Variants in MBP observed in about 807,000 individuals in gnomAD.
MBP encodes the protein myelin basic protein.
MBP carries 16 observed loss-of-function variants against 35.8 expected under a neutral mutation model. That is an observed-to-expected ratio of 0.45 (90% confidence interval 0.30 to 0.68). The LOEUF is 0.68. Among genes scored for constraint, MBP ranks in the 30% least tolerant of loss-of-function variants. MBP has a pLI of 0.08. For missense variants in MBP, 380 were observed against 404.7 expected (o/e 0.94, Z 0.52); for synonymous variants, 143 against 159.6 (o/e 0.90, Z 0.78).
chr18:76,984,541 C>A, intron 8 of MBP: 1 of 548,766 alleles, frequency 1.8e-6, no homozygotes, highest in South Asian at 2.0e-5. Flanking sequence ...CTGAACCAGC[C>A]CAGGCGCAGC....
intron 3 of MBP, among the ~76,000 whole-genome samples, chr18:77,024,577 G>A (rs1972122462): frequency 6.6e-6 from 1 of 152,218 alleles, no homozygotes; most frequent in Admixed American, 6.5e-5. Context: ...TGGCCAAGCG[G>A]GACCGCCTTC....
intron 3 of MBP, among the ~76,000 whole-genome samples, chr18:77,065,489 A>G (rs1974158738): frequency 6.6e-6 from 1 of 152,262 alleles, no homozygotes; most frequent in Non-Finnish European, 1.5e-5. Flanking sequence ...TAGGGGACAC[A>G]TTCAATCCAC....
At chr18:77,124,570 G>T (rs1976988743) in intron 1 of MBP, among the ~76,000 whole-genome samples, 1 of 152,302 alleles carries the variant, frequency 6.6e-6, no homozygotes, top group South Asian at 2.1e-4. Context: ...GCACTGGCCT[G>T]GGTGCCTGTC....
intron 3 of MBP, among the ~76,000 whole-genome samples, chr18:77,035,428 T>A (rs962210964): frequency 5.6e-4 from 85 of 152,248 alleles, no homozygotes; most frequent in African/African-American, 2.0e-3. Flanking sequence ...CTATCCTGTT[T>A]TTCTCTTTCT....
chr18:77,131,892 G>T lies in MBP; in HGVS notation c.-26+688C>A, dbSNP rs887184239. 9.2e-5 allele frequency among the ~76,000 whole-genome samples: 14 copies of T among 152,064 alleles called. No homozygotes were observed. Among genetic ancestry groups the T allele is most frequent in the African/African-American group, 3.4e-4 (14 of 41,424 alleles). On this transcript the variant is annotated intron_variant, in intron 1 of 8. Transcript: ENST00000355994. The surrounding 1 kb of genome is among the most constrained non-coding windows in gnomAD (Gnocchi z 5.5). ...GTGGGCCCAGGTGGGCGCAGCGACG[G>T]GCCCGGCCGAAGAGCCCGAGACAGG... is the stretch of plus-strand genomic sequence containing the variant.
At chr18:77,069,115 T>C in intron 2 of MBP, 1 of 455,794 alleles carries the variant, frequency 2.2e-6, no homozygotes. Flanking sequence ...CGGTGAATAC[T>C]GTGAGAACAA....
At chr18:77,118,976 C>T (rs747274760) in intron 1 of MBP, among the ~76,000 whole-genome samples, 4 of 152,190 alleles carry the variant, frequency 2.6e-5, no homozygotes, top group African/African-American at 7.2e-5. Context: ...TGTCCCAGGG[C>T]GCTGGAAGGA....
At chr18:77,119,337 G>A (rs900032696) in intron 1 of MBP, among the ~76,000 whole-genome samples, 1 of 152,142 alleles carries the variant, frequency 6.6e-6, no homozygotes, top group Non-Finnish European at 1.5e-5. Context: ...TGCCACAGGA[G>A]AGCACACCCA....
intron 2 of MBP, among the ~76,000 whole-genome samples, chr18:77,094,110 G>C (rs1975659467): frequency 6.6e-6 from 1 of 151,868 alleles, no homozygotes; most frequent in Non-Finnish European, 1.5e-5. Context: ...CGGAGTAGCT[G>C]GGATTACAGG....
intron 2 of MBP, among the ~76,000 whole-genome samples, chr18:77,103,644 A>C (rs908843868): frequency 2.0e-5 from 3 of 152,138 alleles, no homozygotes; most frequent in African/African-American, 7.2e-5. Flanking sequence ...CCCCCATACA[A>C]ATTAGGGTGG....
intron 7 of MBP, chr18:76,985,120 T>C (rs1406769147): frequency 1.3e-6 from 2 of 1,534,096 alleles, no homozygotes; most frequent in Admixed American, 3.8e-5. Flanking sequence ...AGGGCTCTGG[T>C]TTGGGCGGAG....
intron 8 of MBP, chr18:76,981,475 A>G (rs989653963): frequency 6.6e-6 from 1 of 152,272 alleles, no homozygotes; most frequent in Admixed American, 6.5e-5. Context: ...AACGCAGCTA[A>G]CAGACCAAGG....
intron 3 of MBP, among the ~76,000 whole-genome samples, chr18:77,061,979 G>A (rs1974002855): frequency 6.6e-6 from 1 of 152,224 alleles, no homozygotes; most frequent in South Asian, 2.1e-4. Flanking sequence ...AGTGGACGCA[G>A]TGAACACAGA....
At chr18:77,124,039 G>A (rs1976966551) in intron 1 of MBP, among the ~76,000 whole-genome samples, 2 of 152,172 alleles carry the variant, frequency 1.3e-5, no homozygotes, top group Non-Finnish European at 2.9e-5. Context: ...CTGCAGGGCA[G>A]CATGGGCACA....
intron 4 of MBP, 65 bp downstream of exon 4, chr18:77,016,767 C>A: frequency 6.3e-7 from 1 of 1,579,012 alleles, no homozygotes; most frequent in South Asian, 1.2e-5. Context: ...TGGCTGAGTT[C>A]ACCTACTGAT....
chr18:76,992,562 C>A (rs1052987905), intron 4 of MBP, among the ~76,000 whole-genome samples: 2 of 152,164 alleles, frequency 1.3e-5, no homozygotes, highest in African/African-American at 4.8e-5. Context: ...CCCTGCCCAC[C>A]CTTCAGGGTG....
At chr18:77,086,759 TGAG>T (rs1975252192) in intron 2 of MBP, among the ~76,000 whole-genome samples, 1 of 152,198 alleles carries the variant, frequency 6.6e-6, no homozygotes, top group African/African-American at 2.4e-5. Context: ...TTTTACATGT[TGAG>T]GAGTTGGCAA....
intron 3 of MBP, among the ~76,000 whole-genome samples, chr18:77,034,596 G>A (rs1051788031): frequency 1.3e-5 from 2 of 152,174 alleles, no homozygotes; most frequent in Non-Finnish European, 2.9e-5. Context: ...GGAGCCTCCC[G>A]CTGCCTCTGG....
At chr18:76,981,233 T>C in intron 8 of MBP, 1 of 152,220 alleles carries the variant, frequency 6.6e-6, no homozygotes, top group Non-Finnish European at 1.5e-5. Context: ...AACTGCACTT[T>C]TTTTGCATTC....
Sources: gnomAD v4.1 joint callset for allele counts (sites outside exome capture counted in the v4.1 genomes callset) on GRCh38, gnomAD v4.1.1 for gene constraint, Gnocchi (gnomAD v3.1) non-coding constraint, MANE v1.5 for transcripts, NCBI Gene and HGNC (gene_info 2026-07-23, HGNC 2026-07-21) for gene names.